Variants in SLC34A3 observed in about 807,000 individuals in gnomAD.
SLC34A3 encodes sodium-dependent phosphate transport protein 2C.
SLC34A3 carries 60 observed loss-of-function variants against 43.9 expected under a neutral mutation model. The ratio of observed to expected loss-of-function variants is 1.37; its 90% CI spans 1.11 to 1.70. The LOEUF is 1.70. Ranked by LOEUF, SLC34A3 falls within the 40% of genes most tolerant of loss-of-function variation. The pLI is 0.00. For synonymous variants in SLC34A3, 451 were observed against 386.2 expected (o/e 1.17, Z -1.97); for missense variants, 969 against 823.8 (o/e 1.18, Z -2.16).
chr9:137,232,939 C>T lies in SLC34A3; in HGVS notation c.448+12C>T, dbSNP rs572684831. ...GGTGGCTGCTAAGCGTGGGTGCACACTCCCTCCCCGGGTGGTGGGGGGGGC... is the reference window on the plus strand; with the variant it reads ...GGTGGCTGCTAAGCGTGGGTGCACATTCCCTCCCCGGGTGGTGGGGGGGGC... On this transcript the variant is annotated intron_variant, in intron 5 of 12. Coordinates refer to ENST00000673835, the MANE Select transcript of SLC34A3 (RefSeq NM_001177316.2). 1 of 1,606,088 alleles carries T rather than the reference C, an allele frequency of 6.2e-7. No homozygotes were observed. Among genetic ancestry groups the T allele is most frequent in the Non-Finnish European group, 8.5e-7 (1 of 1,176,802 alleles).
chr9:137,231,647 C>T lies in SLC34A3; in HGVS notation c.-39-17C>T, dbSNP rs1391600577. ...GGCAGGAGGAAATGTCTCTGACACG[C>T]GCGTCCCCCCCAGCAGATCTAGACC... is the stretch of plus-strand genomic sequence containing the variant. On this transcript the variant is annotated splice_polypyrimidine_tract_variant and intron_variant, in intron 1 of 12. Transcript: ENST00000673835. 2.2e-5 allele frequency: 31 copies of T among 1,413,576 alleles called. No individual in the cohort carries two copies. The highest frequency in any genetic ancestry group is 5.6e-5 in the African/African-American group (4 of 70,918). The allele number at this position is 1,413,576 out of a possible 1,614,324, so 87.6% of individuals were successfully genotyped here. A position where few individuals can be genotyped will look rare whatever the true frequency, so the allele number is the denominator to read the frequency against.
Position 137,236,121 on chromosome 9 carries a change from C to T in SLC34A3, c.1505C>T (p.Ala502Val), listed in dbSNP as rs571107918. ...CTCGGATTCCTGCTGCTGCCCCTGG[C>T]GGCCTTCGGGCTCTCCCTGGCAGGG... ...LLLGFLLLPL[A>V]AFGLSLAGGM... The change falls in exon 13 of 13, where the codon GCG becomes GTG. Residue 502 changes from alanine (A) to valine (V), a missense_variant. By Grantham distance (64) the Ala-to-Val change is moderately conservative (BLOSUM62 0). Transcript: ENST00000673835. 93 of 1,611,300 alleles carry T rather than the reference C, an allele frequency of 5.8e-5. No homozygotes were observed. In the South Asian group the frequency reaches 8.1e-4, roughly 14 times the overall value.
Position 137,235,521 on chromosome 9 carries a change from C to A in SLC34A3, c.1336-431C>A, listed in dbSNP as rs577378810. Among the ~76,000 whole-genome samples the A allele has an allele frequency of 7.9e-5, 12 of 152,344 alleles. No individual in the cohort carries two copies. The East Asian group carries it at 2.3e-3, about 29-fold the overall frequency. ...CACCTGTGTGTGGACTCCTCCAAGT[C>A]CGGCAGCCCCTGGAGGGGCCCGTGA... On this transcript the variant is annotated intron_variant, in intron 12 of 12. Coordinates refer to ENST00000673835, the MANE Select transcript of SLC34A3 (RefSeq NM_001177316.2).
At chr9:137,235,877 G>A (rs1836564731) in intron 12 of SLC34A3, 75 bp from the exon 13 acceptor site, 5 of 1,320,944 alleles carry the variant, frequency 3.8e-6, no homozygotes, top group Non-Finnish European at 5.4e-6. Context: ...GTAGGGTGGA[G>A]GAGGGCAGGG....
chr9:137,234,567 GCTC>G lies in SLC34A3; in HGVS notation c.1210+36_1211-37del. The G allele has an allele frequency of 6.2e-7, 1 of 1,610,044 alleles. No homozygotes were observed. The highest frequency in any genetic ancestry group is 1.3e-5 in the African/African-American group (1 of 74,994). On this transcript the variant is annotated intron_variant, in intron 11 of 12. Transcript: ENST00000673835. The surrounding 1 kb of genome is among the most constrained non-coding windows in gnomAD (Gnocchi z 6.9). ...CAGGACAGAGGCCTCGGGAACGGGG[GCTC>G]GGGCTGGGGTCCTGTGGTGACTCCC...
chr9:137,233,272 A>C lies in SLC34A3; in HGVS notation c.624A>C (p.Pro208=). 6.3e-7 allele frequency: 1 copy of C among 1,584,164 alleles called. No homozygotes were observed. ...GGCTCACAGTGCTGGTCCTGCTGCC[A>C]CTGGAGAGCGCCACGGCCCTGCTGG... ...FNWLTVLVLL[P]LESATALLER... is the part of the protein sequence containing the mutation. The change falls in exon 7 of 13, where the codon CCA becomes CCC. Residue 208 remains proline, a synonymous_variant. Transcript: ENST00000673835.
rs1162579417 is a variant in SLC34A3 at position 137,236,319 on chromosome 9, G to A, written c.1703G>A (p.Arg568His). The change falls in exon 13 of 13, where the codon CGC becomes CAC. Residue 568 changes from arginine to histidine, a missense_variant. By Grantham distance (29) the Arg-to-His change is conservative. Coordinates refer to ENST00000673835, the MANE Select transcript of SLC34A3 (RefSeq NM_001177316.2). ...GAGCCCTGGGACCGCCTGGTGACCC[G>A]CTGCTGCCCCTGCAACGTCTGCAGC... is the stretch of plus-strand genomic sequence containing the variant. ...SLEPWDRLVT[R>H]CCPCNVCSPP... is the part of the protein sequence containing the mutation. The A allele has an allele frequency of 6.5e-6, 10 of 1,542,372 alleles. No homozygotes were observed. The highest frequency in any genetic ancestry group is 1.7e-4 in the Middle Eastern group (1 of 5,998).
Position 137,236,040 on chromosome 9 carries a change from G to A in SLC34A3, c.1424G>A (p.Arg475Lys). Reference sequence around the variant, plus strand: ...CTGCGGCTGCCCATCCCGCTGGCCAGGCACTTCGGGGTGGTGACCGCCCGT... The same window carrying A: ...CTGCGGCTGCCCATCCCGCTGGCCAAGCACTTCGGGGTGGTGACCGCCCGT... ...PALRLPIPLA[R>K]HFGVVTARYR... is the part of the protein sequence containing the mutation. Residue 475 changes from arginine (R) to lysine (K), a missense_variant, in exon 13 of 13, where the codon AGG (arginine) becomes AAG (lysine). Coordinates refer to ENST00000673835, the MANE Select transcript of SLC34A3 (RefSeq NM_001177316.2). The A allele has an allele frequency of 1.2e-6, 2 of 1,612,636 alleles. No homozygotes were observed.
rs535219552 is a variant in SLC34A3 at position 137,233,347 on chromosome 9, G to A, written c.699G>A (p.Ala233=). Residue 233 remains alanine, a synonymous_variant, in exon 7 of 13, where the codon GCG becomes GCA. Coordinates refer to ENST00000673835, the MANE Select transcript of SLC34A3 (RefSeq NM_001177316.2). The stretch of plus-strand genomic sequence containing the variant: ...GTGCCGCCAGCCTGACACCCAGGGC[G>A]CAGGCGCCCGACATCCTCAAGGTGC... ...ALGAASLTPR[A]QAPDILKVLT... The A allele has an allele frequency of 5.0e-5, 81 of 1,605,558 alleles. No individual in the cohort carries two copies. The highest frequency in any genetic ancestry group is 1.1e-4 in the African/African-American group (8 of 74,876).
rs763789409 is a variant in SLC34A3, at chr9:137,236,019, G to T, written c.1403G>T (p.Arg468Leu). 6.2e-7 allele frequency: 1 copy of T among 1,612,616 alleles called. No homozygotes were observed. The highest frequency in any genetic ancestry group is 8.5e-7 in the Non-Finnish European group (1 of 1,179,878). The change falls in exon 13 of 13, where the codon CGG (arginine) becomes CTG (leucine). Residue 468 changes from arginine to leucine, a missense_variant. Arg to Leu is a moderately radical substitution (Grantham distance 102). Transcript: ENST00000673835. ...CTGTGGTACCTGGTGCCTGCACTGC[G>T]GCTGCCCATCCCGCTGGCCAGGCAC... Reference protein sequence around the residue: ...ILLWYLVPALRLPIPLARHFG... With the variant: ...ILLWYLVPALLLPIPLARHFG...
chr9:137,230,474 G>A (rs1836150138), upstream of SLC34A3, among the ~76,000 whole-genome samples: 1 of 152,236 alleles, frequency 6.6e-6, no homozygotes. Flanking sequence ...TCTGCCGAGG[G>A]CAGGGATGAC....
rs1481963563 is a variant in SLC34A3, at chr9:137,232,091, A to C, written c.105A>C (p.Pro35=). The C allele has an allele frequency of 6.2e-7, 1 of 1,613,230 alleles. No individual in the cohort carries two copies. Among genetic ancestry groups the C allele is most frequent in the Non-Finnish European group, 8.5e-7 (1 of 1,180,004 alleles). ...CCACAGGGACCTCCAGTTCTGCTCC[A>C]GTCTTGGAGGAAGGGGACACAGACC... ...LRNEGTSSSA[P]VLEEGDTDPW... Residue 35 remains proline (P), a synonymous_variant, in exon 3 of 13, where the codon CCA becomes CCC. Coordinates refer to ENST00000673835, the MANE Select transcript of SLC34A3 (RefSeq NM_001177316.2).
chr9:137,231,624 C>G, intron 1 of SLC34A3, 40 bp from the exon 2 acceptor site: 3 of 1,255,150 alleles, frequency 2.4e-6, no homozygotes, highest in Non-Finnish European at 3.5e-6. Flanking sequence ...AGGGCCGGGG[C>G]AGGAGGAAAT....
rs1836590223 is a variant in SLC34A3 at position 137,236,264 on chromosome 9, G to A, written c.1648G>A (p.Ala550Thr). ...AWLPVRLRSW[A>T]WLPVWLHSLE... The stretch of plus-strand genomic sequence containing the variant: ...GCTGCCTGTCCGCCTGCGCTCCTGG[G>A]CCTGGCTCCCCGTCTGGCTCCATTC... The change falls in exon 13 of 13, where the codon GCC (alanine) becomes ACC (threonine). Residue 550 changes from alanine to threonine, a missense_variant. By Grantham distance (58) the Ala-to-Thr change is moderately conservative. Coordinates refer to ENST00000673835, the MANE Select transcript of SLC34A3 (RefSeq NM_001177316.2). The A allele has an allele frequency of 6.5e-7, 1 of 1,545,130 alleles. No individual in the cohort carries two copies. Among genetic ancestry groups the A allele is most frequent in the Non-Finnish European group, 8.7e-7 (1 of 1,147,828 alleles).
At chr9:137,230,009 C>A (rs369278646), upstream of SLC34A3, among the ~76,000 whole-genome samples, 1 of 152,090 alleles carries the variant, frequency 6.6e-6, no homozygotes, top group African/African-American at 2.4e-5. Context: ...ATTTGCTGAG[C>A]GGACACTCAG....
rs374826755 is a variant in SLC34A3 at position 137,234,464 on chromosome 9, C to T, written c.1142C>T (p.Ala381Val). Residue 381 changes from alanine (A) to valine (V), a missense_variant, in exon 11 of 13, where the codon GCG (alanine) becomes GTG (valine). Transcript: ENST00000673835. This position sits in a 1 kb window ranked among gnomAD's most constrained non-coding sequence, Gnocchi z 6.9. ...GWLGGYLAVLAGAGLTFALQS... is the reference protein window; with the variant it reads ...GWLGGYLAVLVGAGLTFALQS... ...CTCGGCGGCTACCTGGCCGTCCTCG[C>T]GGGCGCCGGCCTGACCTTCGCACTG... The T allele has an allele frequency of 6.4e-5, 102 of 1,599,540 alleles. No homozygotes were observed. Among genetic ancestry groups the T allele is most frequent in the East Asian group, 2.9e-4 (13 of 44,832 alleles).
At chr9:137,235,802 G>A in intron 12 of SLC34A3, 150 bp from the exon 13 acceptor site, 1 of 730,394 alleles carries the variant, frequency 1.4e-6, no homozygotes. Context: ...TCTGGCCACA[G>A]CCCGCCTCCC....
chr9:137,230,121 G>T (rs1057499787), upstream of SLC34A3, among the ~76,000 whole-genome samples: 2 of 152,156 alleles, frequency 1.3e-5, no homozygotes, highest in African/African-American at 4.8e-5. Context: ...TGAGCCTCTG[G>T]GGGAGCTGCC....
At chr9:137,233,967 C>T (rs779829200) in intron 9 of SLC34A3, 26 bp downstream of exon 9, 3 of 1,510,340 alleles carry the variant, frequency 2.0e-6, no homozygotes, top group Middle Eastern at 2.3e-4. Context: ...CCCCAAGCCC[C>T]CTACACCCCC....
Sources: allele counts gnomAD v4.1 joint callset (sites outside exome capture counted in the v4.1 genomes callset), GRCh38; gene constraint gnomAD v4.1.1; non-coding constraint Gnocchi (gnomAD v3.1); transcripts MANE v1.5; gene names NCBI Gene and HGNC (gene_info 2026-07-23, HGNC 2026-07-21).